The following SPDYE1 variants were observed in gnomAD, a reference collection of about 807,000 sequenced individuals.
SPDYE1 encodes speedy/RINGO cell cycle regulator family member E1, also known as speedy protein E1.
In SPDYE1, 29 loss-of-function variants were observed where a neutral mutation model predicts 45.9. The observed-to-expected ratio is 0.63, with a 90% CI of 0.47 to 0.86. The LOEUF (loss-of-function observed/expected upper bound fraction) is 0.86. Among genes scored for constraint, SPDYE1 ranks in the 40% least tolerant of loss-of-function variants. The pLI is 0.00. For missense variants in SPDYE1, 346 were observed against 481.4 expected, an observed-to-expected ratio of 0.72 and a Z score of 2.63; for synonymous variants, 134 against 176.8, an observed-to-expected ratio of 0.76 and a Z score of 1.92.
chr7:44,006,200 TTG>T (rs1482305863), intron 6 of SPDYE1, among the ~76,000 whole-genome samples: 2 of 152,098 alleles, frequency 1.3e-5, no homozygotes, highest in Non-Finnish European at 2.9e-5. Context: ...CCACTCGACT[TTG>T]TGTTTGTGTT....
intron 1 of SPDYE1, among the ~76,000 whole-genome samples, chr7:43,998,185 G>A (rs1471332698): frequency 6.6e-6 from 1 of 152,064 alleles, no homozygotes; most frequent in Non-Finnish European, 1.5e-5. Flanking sequence ...CAGAAAAGCA[G>A]AGCTTCCTAA....
rs2096075587 is a variant in SPDYE1, at chr7:44,009,029, A to G, written c.*408A>G. Reference sequence around the variant, plus strand: ...CCACAGTCCAGGAGCATTTGAAGGCACAATGCAGGGGCTCAGATTGGCACA... The same window carrying G: ...CCACAGTCCAGGAGCATTTGAAGGCGCAATGCAGGGGCTCAGATTGGCACA... On this transcript the variant is annotated 3_prime_UTR_variant, in exon 9 of 9. Transcript: ENST00000693451. 1.4e-5 allele frequency: 5 copies of G among 356,460 alleles called. No homozygotes were observed. The highest frequency in any genetic ancestry group is 8.6e-5 in the South Asian group (4 of 46,648). The allele number at this position is 356,460 out of a possible 1,614,324, so 22.1% of individuals were successfully genotyped here.
rs2096060142 is a variant in SPDYE1, at chr7:43,999,773, A to G, written c.-177A>G. ...TTTTCAAACTGGTTGCCAGGTTGGC[A>G]TGAACGATGACATCAGAGATTCCGA... is the stretch of plus-strand genomic sequence containing the variant. On this transcript the variant is annotated 5_prime_UTR_variant, in exon 2 of 9. An upstream start codon of the reference 5' UTR is lost. Transcript: ENST00000693451. 6.8e-6 allele frequency among the ~76,000 whole-genome samples: 1 copy of G among 146,320 alleles called. No individual in the cohort carries two copies.
At chr7:44,008,231 TTCA>T (rs1233532153) in intron 8 of SPDYE1, among the ~76,000 whole-genome samples, 2 of 152,236 alleles carry the variant, frequency 1.3e-5, no homozygotes, top group African/African-American at 4.8e-5. Flanking sequence ...AGCATGAGAC[TTCA>T]TCATGAGGAG....
In SPDYE1 at chr7:44,009,632, A is replaced by G. The variant is rs1215231766; in HGVS notation, c.*1011A>G. 3 of 148,590 alleles carry G rather than the reference A, an allele frequency of 2.0e-5. No individual in the cohort carries two copies. Among genetic ancestry groups the G allele is most frequent in the Non-Finnish European group, 4.5e-5 (3 of 67,254 alleles). 9.2% of individuals were successfully genotyped at this position (148,590 alleles called of 1,614,324 possible). A position where few individuals can be genotyped will look rare whatever the true frequency, so the allele number is the denominator to read the frequency against. On this transcript the variant is annotated 3_prime_UTR_variant, in exon 9 of 9. Transcript: ENST00000693451. ...TTATTAAATATATTTATTTATTTAA[A>G]TGTTATTATTACTTTAAATATTATT... is the stretch of plus-strand genomic sequence containing the variant.
chr7:44,006,077 T>C (rs1475610422), intron 6 of SPDYE1, among the ~76,000 whole-genome samples: 2 of 152,208 alleles, frequency 1.3e-5, no homozygotes, highest in East Asian at 3.8e-4. Flanking sequence ...CCTTTCTCTA[T>C]CGAGGCCAGG....
At position 44,005,146 on chromosome 7, in the gene SPDYE1, T is replaced by C; in HGVS notation, c.671T>C (p.Leu224Pro). ...DKDLRVSDKYLLAMVIAYFSR... is the reference protein window; with the variant it reads ...DKDLRVSDKYPLAMVIAYFSR... ...GTGTTCCTTTCTCTCCATCAGTATC[T>C]CCTTGCTATGGTCATAGCGTATTTC... is the stretch of plus-strand genomic sequence containing the variant. Residue 224 changes from leucine to proline, a missense_variant, in exon 6 of 9, where the codon CTC becomes CCC. Physicochemically the swap from Leu to Pro is moderately conservative, Grantham distance 98. This residue lies in a region of SPDYE1 where 4 missense variants were observed against 25.1 expected (regional missense o/e 0.16). Transcript: ENST00000693451. 1.9e-6 allele frequency: 3 copies of C among 1,611,932 alleles called. No individual in the cohort carries two copies. The highest frequency in any genetic ancestry group is 2.5e-6 in the Non-Finnish European group (3 of 1,179,826).
chr7:44,007,887 G>C, intron 8 of SPDYE1, 74 bp downstream of exon 8: 1 of 1,559,696 alleles, frequency 6.4e-7, no homozygotes, highest in Non-Finnish European at 8.6e-7. Context: ...CCAATTGCTT[G>C]ATCCGGCTTC....
At chr7:44,006,579 G>A (rs1269210153) in intron 6 of SPDYE1, among the ~76,000 whole-genome samples, 1 of 151,522 alleles carries the variant, frequency 6.6e-6, no homozygotes, top group East Asian at 1.9e-4. Context: ...TATTAGCTCC[G>A]ACTACAGGGC....
rs371723298 is a variant in SPDYE1, at chr7:44,007,581, G to C, written c.1066G>C (p.Glu356Gln). The C allele has an allele frequency of 1.2e-6, 2 of 1,612,996 alleles. No homozygotes were observed. The highest frequency in any genetic ancestry group is 1.7e-6 in the Non-Finnish European group (2 of 1,180,030). The change falls in exon 7 of 9, where the codon GAG becomes CAG. Residue 356 changes from glutamate to glutamine, a missense_variant. Glu to Gln is a conservative substitution (Grantham distance 29). Transcript: ENST00000693451. Reference sequence around the variant, plus strand: ...GGCTTGGGTTTCCCCAGAGGAGTTGGAGGAGGTGAGTGGGGCCTGGGGAGG... The same window carrying C: ...GGCTTGGGTTTCCCCAGAGGAGTTGCAGGAGGTGAGTGGGGCCTGGGGAGG... ...CRAWVSPEEL[E>Q]EIQAYDPEHW...
At position 44,001,121 on chromosome 7, in the gene SPDYE1, G is replaced by C. The variant is rs555024129; in HGVS notation, c.216G>C (p.Arg72Ser). The part of the protein sequence containing the change: ...PCRSLGWKRK[R>S]EWSDESEEEP... Reference sequence around the variant, plus strand: ...GGTCCCTTGGCTGGAAAAGGAAGAGGGAGTGGTCAGATGAATCTGAGGAGG... The same window carrying C: ...GGTCCCTTGGCTGGAAAAGGAAGAGCGAGTGGTCAGATGAATCTGAGGAGG... The change falls in exon 3 of 9, where the codon AGG becomes AGC. Residue 72 changes from arginine to serine, a missense_variant. Arg to Ser is a moderately radical substitution (Grantham distance 110). Around this residue, in one of 4 missense-constraint regions of SPDYE1, gnomAD observed 141 missense variants for 176.7 expected, o/e 0.80. Transcript: ENST00000693451. 3 of 1,598,244 alleles carry C rather than the reference G, an allele frequency of 1.9e-6. No homozygotes were observed. The African/African-American group carries it at 4.0e-5, about 21-fold the overall frequency.
At chr7:44,002,508 G>C (rs2096065045) in intron 3 of SPDYE1, 82 bp from the exon 4 acceptor site, 6 of 1,462,122 alleles carry the variant, frequency 4.1e-6, no homozygotes, top group Non-Finnish European at 5.5e-6. Context: ...GGGGAGGATG[G>C]AGAGTGGTTT....
chr7:44,003,429 C>T (rs2096066756), intron 4 of SPDYE1, among the ~76,000 whole-genome samples: 1 of 152,354 alleles, frequency 6.6e-6, no homozygotes, highest in African/African-American at 2.4e-5. Flanking sequence ...TTCAGCTGTG[C>T]CCTCTGAAAC....
chr7:44,007,156 G>A (rs2096072398), intron 6 of SPDYE1, 112 bp from the exon 7 acceptor site: 1 of 1,598,176 alleles, frequency 6.3e-7, no homozygotes, highest in African/African-American at 1.3e-5. Context: ...TGCAGGGTGG[G>A]TGCCAGTCCT....
chr7:44,010,073 T>C lies in SPDYE1; in HGVS notation c.*1452T>C, dbSNP rs1372178639. The C allele has an allele frequency of 2.0e-5, 3 of 152,266 alleles. No homozygotes were observed. Among genetic ancestry groups the C allele is most frequent in the South Asian group, 2.1e-4 (1 of 4,836 alleles). The allele number at this position is 152,266 out of a possible 1,614,324, so 9.4% of individuals were successfully genotyped here. On this transcript the variant is annotated 3_prime_UTR_variant, in exon 9 of 9. Coordinates refer to ENST00000693451, the MANE Select transcript of SPDYE1 (RefSeq NM_001378423.2). ...GAGCTGTGTGTTTTCAAGAGAACAA[T>C]AGAGTGTGTCTCTTGGGGAAACGTA... is the stretch of plus-strand genomic sequence containing the variant.
At chr7:44,008,068 T>C (rs924060406) in intron 8 of SPDYE1, among the ~76,000 whole-genome samples, 2 of 152,260 alleles carry the variant, frequency 1.3e-5, no homozygotes, top group Non-Finnish European at 2.9e-5. Context: ...CACTCCAGTC[T>C]GGGCGACAGA....
At chr7:44,000,532 C>T (rs1303322260) in intron 2 of SPDYE1, among the ~76,000 whole-genome samples, 1 of 151,752 alleles carries the variant, frequency 6.6e-6, no homozygotes, top group East Asian at 1.9e-4. Flanking sequence ...TGGCTCACAC[C>T]TGTAACCCCA....
chr7:44,001,507 G>A (rs2096062968), intron 3 of SPDYE1, among the ~76,000 whole-genome samples: 5 of 152,076 alleles, frequency 3.3e-5, no homozygotes, highest in Admixed American at 3.3e-4. Context: ...CTTGGTTTCG[G>A]GCTAGGTGCA....
At chr7:44,000,158 A>C (rs1453298621) in intron 2 of SPDYE1, 49 bp downstream of exon 2, 2 of 980,828 alleles carry the variant, frequency 2.0e-6, no homozygotes, top group Admixed American at 1.2e-4. Flanking sequence ...ACTAAGACGA[A>C]GGAAGGGGGC....
Sources: gnomAD v4.1 joint callset for allele counts (sites outside exome capture counted in the v4.1 genomes callset) on GRCh38, gnomAD v4.1.1 for gene constraint, gnomAD v4.1.1 regional missense constraint, MANE v1.5 for transcripts, NCBI Gene and HGNC (gene_info 2026-07-23, HGNC 2026-07-21) for gene names.